Variants in COL11A1 observed in about 807,000 individuals in gnomAD.
COL11A1 encodes collagen type XI alpha 1 chain.
A neutral mutation model predicts 265.2 loss-of-function variants in COL11A1; 74 were observed. The observed-to-expected ratio is 0.28, with a 90% CI of 0.23 to 0.34. COL11A1 has a LOEUF of 0.34. Among genes scored for constraint, COL11A1 ranks in the 10% least tolerant of loss-of-function variants. The pLI is 1.00. For missense variants in COL11A1, 2,165 were observed against 2,263.6 expected, an observed-to-expected ratio of 0.96 and a Z score of 0.88; for synonymous variants, 816 against 727.6, an observed-to-expected ratio of 1.12 and a Z score of -1.96.
chr1:103,046,081 G>A (rs1046707071), intron 4 of COL11A1, among the ~76,000 whole-genome samples: 4 of 151,326 alleles, frequency 2.6e-5, no homozygotes, highest in Admixed American at 6.6e-5. Context: ...ATAAACATAC[G>A]TGTGCATGTG....
At chr1:103,102,093 G>T (rs1000476114) in intron 1 of COL11A1, among the ~76,000 whole-genome samples, 2 of 151,964 alleles carry the variant, frequency 1.3e-5, no homozygotes, top group Non-Finnish European at 2.9e-5. Flanking sequence ...CTACAAGCTA[G>T]TATTATTCAT....
chr1:102,894,580 G>A (rs1460841175), intron 57 of COL11A1, among the ~76,000 whole-genome samples: 1 of 151,954 alleles, frequency 6.6e-6, no homozygotes, highest in East Asian at 1.9e-4. Context: ...TTTAATGTTG[G>A]TTGACTACTA....
chr1:103,003,372 ATTTGG>A, intron 20 of COL11A1, 104 bp from the exon 21 acceptor site: 4 of 1,238,516 alleles, frequency 3.2e-6, no homozygotes, highest in Non-Finnish European at 4.6e-6. Context: ...GAATAAAAAT[ATTTGG>A]ACATCTTTTA....
rs2101827894 is a variant in COL11A1 at position 103,001,987 on chromosome 1, A to G, written c.2098-18T>C. The G allele has an allele frequency of 6.2e-7, 1 of 1,602,678 alleles. No homozygotes were observed. Among genetic ancestry groups the G allele is most frequent in the Non-Finnish European group, 8.5e-7 (1 of 1,169,794 alleles). ...GGAAGACCCTATTTTAAAAGAATTT[A>G]TTTCATATATCAGATATCAAATCAC... On this transcript the variant is annotated intron_variant, in intron 23 of 66. Transcript: ENST00000370096.
At chr1:102,930,171 G>A (rs142357107) in intron 46 of COL11A1, among the ~76,000 whole-genome samples, 2,960 of 152,120 alleles carry the variant, frequency 0.019, 98 homozygotes, top group African/African-American at 0.067. Context: ...TCTTGTGCCC[G>A]TTTTCAAAGG....
At position 102,940,355 on chromosome 1, in the gene COL11A1, G is replaced by A; in HGVS notation, c.3356C>T (p.Ala1119Val). 6.2e-7 allele frequency: 1 copy of A among 1,613,844 alleles called. No homozygotes were observed. Among genetic ancestry groups the A allele is most frequent in the Non-Finnish European group, 8.5e-7 (1 of 1,179,878 alleles). The part of the protein sequence containing the change: ...PVGLPGPAGP[A>V]GSPGEDGDKG... ...GTCTCCGTCTTCCCCAGGGGAGCCGGCAGGACCAGCTGGCCCTGGGAGACC... is the reference window on the plus strand; with the variant it reads ...GTCTCCGTCTTCCCCAGGGGAGCCGACAGGACCAGCTGGCCCTGGGAGACC... Residue 1119 changes from alanine to valine, a missense_variant, in exon 43 of 67, where the codon GCC becomes GTC. By Grantham distance (64) the Ala-to-Val change is moderately conservative (BLOSUM62 0). Transcript: ENST00000370096.
At chr1:102,958,965 C>A (rs1408794309) in intron 41 of COL11A1, among the ~76,000 whole-genome samples, 1 of 152,152 alleles carries the variant, frequency 6.6e-6, no homozygotes, top group Non-Finnish European at 1.5e-5. Flanking sequence ...TTTGTCCTCA[C>A]TGCCCACATC....
chr1:103,022,623 A>T, intron 8 of COL11A1, 119 bp downstream of exon 8: 1 of 1,218,528 alleles, frequency 8.2e-7, no homozygotes, highest in Non-Finnish European at 1.2e-6. Flanking sequence ...ATAGGCATTC[A>T]TAATTTACAT....
chr1:102,977,125 C>T (rs1451404204), intron 35 of COL11A1, among the ~76,000 whole-genome samples: 1 of 151,920 alleles, frequency 6.6e-6, no homozygotes, highest in Admixed American at 6.6e-5. Context: ...GAACTAATTC[C>T]CTGAACTTTC....
chr1:102,931,271 C>T (rs1286829975), intron 46 of COL11A1, among the ~76,000 whole-genome samples: 3 of 151,302 alleles, frequency 2.0e-5, no homozygotes, highest in Middle Eastern at 3.2e-3. Flanking sequence ...TGAATGCGTC[C>T]CAGAGATTCT....
At chr1:102,927,887 T>G (rs1160191599) in intron 46 of COL11A1, among the ~76,000 whole-genome samples, 1 of 152,160 alleles carries the variant, frequency 6.6e-6, no homozygotes, top group Non-Finnish European at 1.5e-5. Flanking sequence ...TGGCAGTTGC[T>G]TTTGGCAGGA....
chr1:102,990,486 CAG>C (rs1664026439), intron 28 of COL11A1, among the ~76,000 whole-genome samples: 1 of 151,758 alleles, frequency 6.6e-6, no homozygotes, highest in African/African-American at 2.4e-5. Flanking sequence ...ACTATACACA[CAG>C]AGCAACAATG....
Position 103,026,250 on chromosome 1 carries a change from G to C in COL11A1, c.863C>G (p.Pro288Arg). The C allele has an allele frequency of 6.2e-7, 1 of 1,613,336 alleles. No homozygotes were observed. Among genetic ancestry groups the C allele is most frequent in the South Asian group, 1.1e-5 (1 of 91,048 alleles). Residue 288 changes from proline to arginine, a missense_variant, in exon 6 of 67, where the codon CCC (proline) becomes CGC (arginine). Physicochemically the swap from Pro to Arg is moderately radical, Grantham distance 103 (BLOSUM62 -2). Coordinates refer to ENST00000370096, the MANE Select transcript of COL11A1 (RefSeq NM_001854.4). ...YKEAESVTEG[P>R]TVTEETIAQT... ...TGCTATTGTCTCCTCAGTTACAGTG[G>C]GTCCCTCTGTTACACTTTCAGCCTC...
rs188198015 is a variant in COL11A1 at position 103,035,642 on chromosome 1, A to C, written c.652-4398T>G. Among the ~76,000 whole-genome samples the C allele has an allele frequency of 9.2e-3, 1,393 of 152,206 alleles. 8 individuals are homozygous for C. Among genetic ancestry groups the C allele is most frequent in the Non-Finnish European group, 0.014 (948 of 67,956 alleles). On this transcript the variant is annotated intron_variant, in intron 4 of 66. Coordinates refer to ENST00000370096, the MANE Select transcript of COL11A1 (RefSeq NM_001854.4). ...AGTATGTCCTAGTAACACCCAAATA[A>C]GGAAACATCTTCTTTAATTTATGAT...
At chr1:103,070,371 T>A (rs1195905051) in intron 4 of COL11A1, among the ~76,000 whole-genome samples, 1 of 151,554 alleles carries the variant, frequency 6.6e-6, no homozygotes, top group Non-Finnish European at 1.5e-5. Context: ...TGAAAAGTTG[T>A]TTTTAAATAT....
chr1:102,882,538 T>G (rs565827374), intron 64 of COL11A1, among the ~76,000 whole-genome samples: 1 of 152,292 alleles, frequency 6.6e-6, no homozygotes, highest in South Asian at 2.1e-4. Flanking sequence ...CTACTTGTTT[T>G]GCCTTAAGGA....
At chr1:103,087,025 T>G (rs1217116887) in intron 1 of COL11A1, among the ~76,000 whole-genome samples, 3 of 152,178 alleles carry the variant, frequency 2.0e-5, no homozygotes, top group Non-Finnish European at 4.4e-5. Flanking sequence ...TACATATATG[T>G]GGGAAAGCTA....
intron 32 of COL11A1, 43 bp downstream of exon 32, chr1:102,979,339 G>A: frequency 3.4e-6 from 5 of 1,469,634 alleles, no homozygotes; most frequent in Non-Finnish European, 4.8e-6. Flanking sequence ...GTCCAGCTAA[G>A]AACACTTATA....
chr1:102,933,876 C>T (rs985170950), intron 46 of COL11A1, among the ~76,000 whole-genome samples: 19 of 152,180 alleles, frequency 1.2e-4, no homozygotes, highest in African/African-American at 3.4e-4. Context: ...TCACCCCTTT[C>T]TTTGACTCAG....
Sources: gnomAD v4.1 joint callset for allele counts (sites outside exome capture counted in the v4.1 genomes callset) on GRCh38, gnomAD v4.1.1 for gene constraint, MANE v1.5 for transcripts, NCBI Gene and HGNC (gene_info 2026-07-23, HGNC 2026-07-21) for gene names.